Variants in OSBPL3 observed in about 807,000 individuals in gnomAD.
OSBPL3 encodes oxysterol binding protein like 3, also known as oxysterol-binding protein-related protein 3.
OSBPL3 carries 65 observed loss-of-function variants against 120.1 expected under a neutral mutation model. The ratio of observed to expected loss-of-function variants is 0.54; its 90% CI spans 0.44 to 0.67. OSBPL3 has a LOEUF of 0.67. Ranked by LOEUF, OSBPL3 falls within the 30% of genes least tolerant of loss-of-function variation. The probability of loss-of-function intolerance (pLI) is 0.00; values close to 1 mark genes in which losing one functional copy is unlikely to be tolerated. For synonymous variants in OSBPL3, 416 were observed against 402.6 expected (o/e 1.03, Z -0.40); for missense variants, 1,004 against 1,082.1 (o/e 0.93, Z 1.01).
intron 1 of OSBPL3, among the ~76,000 whole-genome samples, chr7:24,911,690 C>T (rs1395931977): frequency 1.3e-5 from 2 of 152,106 alleles, no homozygotes; most frequent in Non-Finnish European, 2.9e-5. Flanking sequence ...TCCAAAACTG[C>T]AGGGGCGATA....
chr7:24,917,395 T>A (rs987053286), intron 1 of OSBPL3, among the ~76,000 whole-genome samples: 728 of 66,324 alleles, frequency 0.011, 9 homozygotes, highest in African/African-American at 0.026. Flanking sequence ...ATATATATAT[T>A]TGTAACATAT....
chr7:24,966,390 C>G lies in OSBPL3; in HGVS notation c.-150+13496G>C, dbSNP rs1234406094. Among the ~76,000 whole-genome samples, 2 of 152,166 alleles carry G rather than the reference C, an allele frequency of 1.3e-5. No homozygotes were observed. The highest frequency in any genetic ancestry group is 4.1e-4 in the South Asian group (2 of 4,832). On this transcript the variant is annotated intron_variant, in intron 1 of 22. Coordinates refer to ENST00000313367, the MANE Select transcript of OSBPL3 (RefSeq NM_015550.4). The surrounding 1 kb of genome is among the most constrained non-coding windows in gnomAD (Gnocchi z 4.8). ...GCTACACACACCCAGGAAAATAAGACCTCTGGATGCCACAAACAAGTGGGG... is the reference window on the plus strand; with the variant it reads ...GCTACACACACCCAGGAAAATAAGAGCTCTGGATGCCACAAACAAGTGGGG...
intron 1 of OSBPL3, among the ~76,000 whole-genome samples, chr7:24,957,953 C>T (rs1212090789): frequency 6.6e-6 from 1 of 152,102 alleles, no homozygotes; most frequent in Non-Finnish European, 1.5e-5. Context: ...TGTTCCATAT[C>T]AATAAGGAGG....
At chr7:24,878,091 T>G (rs892687439) in intron 2 of OSBPL3, among the ~76,000 whole-genome samples, 1 of 152,216 alleles carries the variant, frequency 6.6e-6, no homozygotes, top group Non-Finnish European at 1.5e-5. Context: ...AAAGCTGCTT[T>G]GTGATTGCAA....
intron 1 of OSBPL3, among the ~76,000 whole-genome samples, chr7:24,929,020 CGGGCCAGAGGGTAAGCGT>C (rs1811452439): frequency 6.6e-6 from 1 of 152,152 alleles, no homozygotes; most frequent in Non-Finnish European, 1.5e-5. Flanking sequence ...AGCAGTACGA[CGGGCCAGAGGGTAAGCGT>C]GTTTAGCTTT....
chr7:24,976,914 C>CTG (rs1817648683), intron 1 of OSBPL3, among the ~76,000 whole-genome samples: 1 of 152,198 alleles, frequency 6.6e-6, no homozygotes, highest in African/African-American at 2.4e-5. Context: ...TCCCCATCCT[C>CTG]TGTTTTGCCA....
intron 19 of OSBPL3, among the ~76,000 whole-genome samples, chr7:24,811,355 C>T (rs555723505): frequency 6.6e-6 from 1 of 152,270 alleles, no homozygotes; most frequent in East Asian, 1.9e-4. Flanking sequence ...GTCCTTTGTT[C>T]ATTTTTAAAT....
chr7:24,846,474 G>T (rs143778657), intron 12 of OSBPL3, among the ~76,000 whole-genome samples: 3 of 152,182 alleles, frequency 2.0e-5, no homozygotes, highest in South Asian at 2.1e-4. Flanking sequence ...GACATTAAAA[G>T]AATTAAGTTC....
chr7:24,827,722 C>G lies in OSBPL3; in HGVS notation c.1884+3046G>C, dbSNP rs1795871331. 6.6e-6 allele frequency among the ~76,000 whole-genome samples: 1 copy of G among 152,138 alleles called. No individual in the cohort carries two copies. Among genetic ancestry groups the G allele is most frequent in the African/African-American group, 2.4e-5 (1 of 41,418 alleles). On this transcript the variant is annotated intron_variant, in intron 16 of 22. Coordinates refer to ENST00000313367, the MANE Select transcript of OSBPL3 (RefSeq NM_015550.4). The surrounding 1 kb of genome is among the most constrained non-coding windows in gnomAD (Gnocchi z 5.1). ...CCATTCTTAGGTATATTAAAATAAC[C>G]AACTATCTGCAGCCATCAGGCTAAA...
chr7:24,979,798 C>T, intron 1 of OSBPL3, 88 bp downstream of exon 1: 1 of 688,598 alleles, frequency 1.5e-6, no homozygotes, highest in Non-Finnish European at 1.8e-6. Flanking sequence ...AACCGCGGCG[C>T]CCCGCAAACA....
intron 1 of OSBPL3, among the ~76,000 whole-genome samples, chr7:24,925,141 TTGGA>T (rs1262095534): frequency 6.6e-6 from 1 of 152,060 alleles, no homozygotes; most frequent in East Asian, 1.9e-4. Context: ...TAGCACAGAG[TTGGA>T]TTTAAAAAGC....
intron 5 of OSBPL3, among the ~76,000 whole-genome samples, chr7:24,866,990 C>T (rs1273120670): frequency 2.6e-5 from 4 of 152,070 alleles, no homozygotes; most frequent in African/African-American, 4.8e-5. Flanking sequence ...TTAGTAGAGG[C>T]GGGGTTTCAC....
At chr7:24,839,092 C>A (rs954709312) in intron 14 of OSBPL3, among the ~76,000 whole-genome samples, 1 of 152,196 alleles carries the variant, frequency 6.6e-6, no homozygotes, top group African/African-American at 2.4e-5. Flanking sequence ...GATAACAATT[C>A]ATCCGTTCAC....
In OSBPL3 at chr7:24,947,913, G is replaced by C. The variant is rs1309825134; in HGVS notation, c.-150+31973C>G. Among the ~76,000 whole-genome samples the C allele has an allele frequency of 6.6e-6, 1 of 152,128 alleles. No homozygotes were observed. The highest frequency in any genetic ancestry group is 2.4e-5 in the African/African-American group (1 of 41,412). ...CCCCAAAGAGCTCTATCCATTCACT[G>C]TGTGCCAAAGATGCAAGAGATTATA... On this transcript the variant is annotated intron_variant, in intron 1 of 22. Coordinates refer to ENST00000313367, the MANE Select transcript of OSBPL3 (RefSeq NM_015550.4). The surrounding 1 kb of genome is among the most constrained non-coding windows in gnomAD (Gnocchi z 4.4).
At chr7:24,828,485 G>A (rs1194774251) in intron 16 of OSBPL3, among the ~76,000 whole-genome samples, 1 of 151,852 alleles carries the variant, frequency 6.6e-6, no homozygotes, top group Non-Finnish European at 1.5e-5. Context: ...GCACAAGCCT[G>A]TAGTCCCAGC....
chr7:24,903,141 C>A (rs141646036), intron 1 of OSBPL3, among the ~76,000 whole-genome samples: 299 of 152,330 alleles, frequency 2.0e-3, no homozygotes, highest in African/African-American at 6.9e-3. Context: ...GTGTACCAAC[C>A]TAATACTTGG....
In OSBPL3 at chr7:24,938,639, GTTGTTTGT is replaced by G. The variant is rs139394185; in HGVS notation, c.-150+41239_-150+41246del. 0.046 allele frequency among the ~76,000 whole-genome samples: 7,005 copies of G among 152,030 alleles called. 224 individuals carry two copies. The highest frequency in any genetic ancestry group is 0.071 in the Middle Eastern group (21 of 294). On this transcript the variant is annotated intron_variant, in intron 1 of 22. Transcript: ENST00000313367. The surrounding 1 kb of genome is among the most constrained non-coding windows in gnomAD (Gnocchi z 5.8). ...CAAAAGGGTATACCTCCCAGCTGAA[GTTGTTTGT>G]TTGTTTGTTTGTTTGTTTTTAGGCT...
Position 24,918,627 on chromosome 7 carries a change from A to C in OSBPL3, c.-149-26006T>G, listed in dbSNP as rs147805071. ...AAATAAGAAAATGGGATCAACATTT[A>C]GTACTCACTTAACAAATGTTCACTA... is the stretch of plus-strand genomic sequence containing the variant. On this transcript the variant is annotated intron_variant, in intron 1 of 22. Transcript: ENST00000313367. This position sits in a 1 kb window ranked among gnomAD's most constrained non-coding sequence, Gnocchi z 4.3. 1.3e-5 allele frequency among the ~76,000 whole-genome samples: 2 copies of C among 152,236 alleles called. 1 individual carries two copies. The highest frequency in any genetic ancestry group is 4.1e-4 in the South Asian group (2 of 4,836).
intron 5 of OSBPL3, among the ~76,000 whole-genome samples, chr7:24,866,686 A>G (rs564363220): frequency 1.3e-5 from 2 of 152,284 alleles, no homozygotes; most frequent in East Asian, 3.9e-4. Flanking sequence ...ATGGAGAAAT[A>G]GCCTCTCATT....
Sources: gnomAD v4.1 joint callset for allele counts (sites outside exome capture counted in the v4.1 genomes callset) on GRCh38, gnomAD v4.1.1 for gene constraint, Gnocchi (gnomAD v3.1) non-coding constraint, MANE v1.5 for transcripts, NCBI Gene and HGNC (gene_info 2026-07-23, HGNC 2026-07-21) for gene names.